Variants in DSCAML1 observed in about 807,000 individuals in gnomAD.
The protein encoded by DSCAML1 is cell adhesion molecule DSCAML1.
In DSCAML1, 38 loss-of-function variants were observed where a neutral mutation model predicts 200.5. The ratio of observed to expected loss-of-function variants is 0.19; its 90% confidence interval spans 0.15 to 0.25. The LOEUF is 0.25. Ranked by LOEUF, DSCAML1 falls within the 10% of genes least tolerant of loss-of-function variation. The pLI is 1.00. For missense variants in DSCAML1, 2,223 were observed against 2,858.8 expected (o/e 0.78, Z 5.07); for synonymous variants, 1,215 against 1,165.0 (o/e 1.04, Z -0.87).
At chr11:117,627,811 G>T (rs142744314) in intron 3 of DSCAML1, among the ~76,000 whole-genome samples, 2 of 152,064 alleles carry the variant, frequency 1.3e-5, no homozygotes, top group African/African-American at 4.8e-5. Context: ...CTCAGGCCCC[G>T]CTGCCCACAT....
At chr11:117,644,467 A>T (rs551176813) in intron 3 of DSCAML1, among the ~76,000 whole-genome samples, 1 of 152,308 alleles carries the variant, frequency 6.6e-6, no homozygotes, top group African/African-American at 2.4e-5. Flanking sequence ...GTGAGCTGGC[A>T]CCCCAAGCAC....
At position 117,602,915 on chromosome 11, in the gene DSCAML1, A is replaced by G. The variant is rs561465083; in HGVS notation, c.512-70393T>C. 8.3e-4 allele frequency among the ~76,000 whole-genome samples: 126 copies of G among 152,102 alleles called. 1 individual carries two copies. The highest frequency in any genetic ancestry group is 2.8e-3 in the African/African-American group (118 of 41,476). ...GGAGTTCAAGACCAGTCTGGGCAAC[A>G]TGGCGAAACCCCGTCTCTACAAAAA... is the stretch of plus-strand genomic sequence containing the variant. On this transcript the variant is annotated intron_variant, in intron 3 of 32. Coordinates refer to ENST00000651296, the MANE Select transcript of DSCAML1 (RefSeq NM_020693.4).
intron 1 of DSCAML1, among the ~76,000 whole-genome samples, chr11:117,795,600 T>C (rs2055557293): frequency 6.6e-6 from 1 of 152,164 alleles, no homozygotes; most frequent in Admixed American, 6.5e-5. Context: ...GAAACTCAAC[T>C]ACTTTGTCGA....
chr11:117,433,178 G>A lies in DSCAML1; in HGVS notation c.4986C>T (p.Val1662=). The change falls in exon 29 of 33, where the codon GTC becomes GTT. Residue 1662 remains valine, a synonymous_variant. Coordinates refer to ENST00000651296, the MANE Select transcript of DSCAML1 (RefSeq NM_020693.4). ...GPRLHIDIPR[V]QLLIEDKEGI... ...CTTCTTTGTCCTCGATGAGCAGCTGGACCCTGGGGATGTCAATGTGTAGCC... is the reference window on the plus strand; with the variant it reads ...CTTCTTTGTCCTCGATGAGCAGCTGAACCCTGGGGATGTCAATGTGTAGCC... The A allele has an allele frequency of 6.2e-7, 1 of 1,614,148 alleles. No homozygotes were observed.
At chr11:117,752,443 G>A (rs1033015309) in intron 3 of DSCAML1, among the ~76,000 whole-genome samples, 6 of 152,212 alleles carry the variant, frequency 3.9e-5, no homozygotes, top group African/African-American at 1.4e-4. Flanking sequence ...TGAGTTAAGA[G>A]AGAGCCCTGG....
chr11:117,435,494 G>A (rs2047895968), intron 27 of DSCAML1, 150 bp downstream of exon 27: 2 of 872,372 alleles, frequency 2.3e-6, no homozygotes, highest in Non-Finnish European at 3.3e-6. Context: ...GAACTAAGGA[G>A]GTTTCAGAAA....
intron 3 of DSCAML1, among the ~76,000 whole-genome samples, chr11:117,533,547 G>A (rs893740501): frequency 2.0e-5 from 3 of 152,198 alleles, no homozygotes; most frequent in African/African-American, 7.2e-5. Context: ...TCAAACACCC[G>A]TTGTGTGCAA....
At chr11:117,665,823 C>T (rs886529722) in intron 3 of DSCAML1, among the ~76,000 whole-genome samples, 5 of 152,112 alleles carry the variant, frequency 3.3e-5, no homozygotes, top group Admixed American at 6.6e-5. Context: ...ACACTGCCAA[C>T]GTATAGGTTG....
chr11:117,487,205 G>T (rs2049091280), intron 11 of DSCAML1, among the ~76,000 whole-genome samples: 1 of 152,046 alleles, frequency 6.6e-6, no homozygotes, highest in Non-Finnish European at 1.5e-5. Flanking sequence ...GATTACAGGT[G>T]TGAGCCACTG....
At chr11:117,789,228 C>A (rs1320457385) in intron 1 of DSCAML1, among the ~76,000 whole-genome samples, 1 of 152,176 alleles carries the variant, frequency 6.6e-6, no homozygotes, top group African/African-American at 2.4e-5. Context: ...CCTCCAAGGC[C>A]CTGTGCCATC....
At chr11:117,618,504 C>A (rs1228694176) in intron 3 of DSCAML1, among the ~76,000 whole-genome samples, 1 of 152,184 alleles carries the variant, frequency 6.6e-6, no homozygotes, top group African/African-American at 2.4e-5. Flanking sequence ...TTCTCTTCCG[C>A]AGGCTGACAA....
At chr11:117,781,758 C>T (rs1203673892) in intron 1 of DSCAML1, among the ~76,000 whole-genome samples, 1 of 152,248 alleles carries the variant, frequency 6.6e-6, no homozygotes, top group Admixed American at 6.5e-5. Flanking sequence ...ACTGCAAAGA[C>T]CGCTTCCATC....
At chr11:117,474,578 A>G (rs1292561355) in intron 14 of DSCAML1, among the ~76,000 whole-genome samples, 1 of 152,032 alleles carries the variant, frequency 6.6e-6, no homozygotes, top group African/African-American at 2.4e-5. Context: ...TGGATGTTTC[A>G]TGGACACTTC....
chr11:117,752,765 C>T (rs1006351710), intron 3 of DSCAML1, among the ~76,000 whole-genome samples: 4 of 152,228 alleles, frequency 2.6e-5, no homozygotes, highest in Non-Finnish European at 5.9e-5. Context: ...ATTTCTGTCA[C>T]CGTTGGGAAA....
At chr11:117,597,971 G>C (rs2051394258) in intron 3 of DSCAML1, among the ~76,000 whole-genome samples, 1 of 152,004 alleles carries the variant, frequency 6.6e-6, no homozygotes, top group Non-Finnish European at 1.5e-5. Flanking sequence ...TGAGCGTATA[G>C]AAATATGCCT....
At chr11:117,752,791 T>C (rs1465995054) in intron 3 of DSCAML1, among the ~76,000 whole-genome samples, 1 of 152,318 alleles carries the variant, frequency 6.6e-6, no homozygotes, top group East Asian at 1.9e-4. Context: ...CAAATTCTAG[T>C]GTCAGGGATG....
intron 3 of DSCAML1, among the ~76,000 whole-genome samples, chr11:117,589,375 C>T (rs2051214012): frequency 6.6e-6 from 1 of 152,166 alleles, no homozygotes; most frequent in African/African-American, 2.4e-5. Context: ...TCTAGGTGAA[C>T]AAAGCAAACA....
chr11:117,459,759 G>C (rs2048443008), intron 18 of DSCAML1, among the ~76,000 whole-genome samples: 1 of 152,252 alleles, frequency 6.6e-6, no homozygotes, highest in African/African-American at 2.4e-5. Context: ...GACAGGTCCA[G>C]CAACGGGCTG....
intron 3 of DSCAML1, among the ~76,000 whole-genome samples, chr11:117,679,097 A>G (rs888694982): frequency 6.6e-6 from 1 of 152,258 alleles, no homozygotes; most frequent in African/African-American, 2.4e-5. Context: ...GGGCCAGAGC[A>G]GAGGCCAGGG....
Sources: allele counts gnomAD v4.1 joint callset (sites outside exome capture counted in the v4.1 genomes callset), GRCh38; gene constraint gnomAD v4.1.1; transcripts MANE v1.5; gene names NCBI Gene and HGNC (gene_info 2026-07-23, HGNC 2026-07-21).